Variants in AGAP1 observed in about 807,000 individuals in gnomAD.
AGAP1 encodes arf-GAP with GTPase, ANK repeat and PH domain-containing protein 1.
AGAP1 carries 29 observed loss-of-function variants against 105.3 expected under a neutral mutation model. The observed-to-expected ratio is 0.28, with a 90% CI of 0.21 to 0.38. AGAP1 has a LOEUF of 0.38. Ranked by LOEUF, AGAP1 falls within the 10% of genes least tolerant of loss-of-function variation. The pLI is 1.00. For missense variants in AGAP1, 998 were observed against 1,165.1 expected (o/e 0.86, Z 2.09); for synonymous variants, 509 against 485.9 (o/e 1.05, Z -0.63).
At chr2:235,912,114 A>T (rs1346921531) in intron 11 of AGAP1, among the ~76,000 whole-genome samples, 2 of 152,238 alleles carry the variant, frequency 1.3e-5, no homozygotes, top group African/African-American at 4.8e-5. Flanking sequence ...CACTTCTGTA[A>T]GAGGAAGCAG....
At chr2:235,943,969 A>G (rs934984687) in intron 12 of AGAP1, among the ~76,000 whole-genome samples, 3 of 152,248 alleles carry the variant, frequency 2.0e-5, no homozygotes, top group Non-Finnish European at 4.4e-5. Context: ...TTATACAATG[A>G]TACTAAAAAT....
At chr2:235,912,099 G>T (rs28569406) in intron 11 of AGAP1, among the ~76,000 whole-genome samples, 1 of 152,040 alleles carries the variant, frequency 6.6e-6, no homozygotes, top group African/African-American at 2.4e-5. Context: ...AGCCATGGGC[G>T]GAGGCACTTC....
intron 1 of AGAP1, among the ~76,000 whole-genome samples, chr2:235,537,961 A>G (rs1943296433): frequency 6.6e-6 from 1 of 152,158 alleles, no homozygotes; most frequent in South Asian, 2.1e-4. Flanking sequence ...GATATTTTGT[A>G]CCAACCGTAC....
intron 16 of AGAP1, among the ~76,000 whole-genome samples, chr2:236,117,063 G>C (rs1257349845): frequency 6.6e-6 from 1 of 152,142 alleles, no homozygotes; most frequent in Non-Finnish European, 1.5e-5. Context: ...TGCTATAAAC[G>C]TGTGTGTAAG....
At chr2:235,932,583 G>C (rs60990982) in intron 12 of AGAP1, among the ~76,000 whole-genome samples, 11,047 of 152,248 alleles carry the variant, frequency 0.073, 1,372 homozygotes, top group African/African-American at 0.25. Context: ...CAGGTGACAC[G>C]GACAAGGCCT....
chr2:235,503,150 T>C (rs1375505926), intron 1 of AGAP1, among the ~76,000 whole-genome samples: 4 of 152,114 alleles, frequency 2.6e-5, no homozygotes, highest in Admixed American at 6.5e-5. Flanking sequence ...TTCAGCAGGA[T>C]TGGTATTGTC....
chr2:235,635,408 A>T lies in AGAP1; in HGVS notation c.164-73771A>T, dbSNP rs1946963771. Among the ~76,000 whole-genome samples the T allele has an allele frequency of 6.6e-6, 1 of 152,170 alleles. No homozygotes were observed. The highest frequency in any genetic ancestry group is 1.5e-5 in the Non-Finnish European group (1 of 68,024). Reference sequence around the variant, plus strand: ...AGGATTGACTTTCATCTTGCCTGGTAATAAGCCCTCCTAGGAAAACAAATT... The same window carrying T: ...AGGATTGACTTTCATCTTGCCTGGTTATAAGCCCTCCTAGGAAAACAAATT... On this transcript the variant is annotated intron_variant, in intron 1 of 17. Transcript: ENST00000304032. This position sits in a 1 kb window ranked among gnomAD's most constrained non-coding sequence, Gnocchi z 5.3.
chr2:235,548,600 C>A (rs1023529453), intron 1 of AGAP1, among the ~76,000 whole-genome samples: 10 of 150,020 alleles, frequency 6.7e-5, no homozygotes, highest in Non-Finnish European at 1.5e-4. Flanking sequence ...TTGCAGTGAG[C>A]CAAGATTGCG....
intron 16 of AGAP1, among the ~76,000 whole-genome samples, chr2:236,085,356 C>T (rs1358161559): frequency 6.6e-6 from 1 of 152,156 alleles, no homozygotes; most frequent in African/African-American, 2.4e-5. Flanking sequence ...CAGAAGCGTC[C>T]TTTGTTGCTG....
At chr2:236,052,315 C>G (rs2057924294) in intron 16 of AGAP1, among the ~76,000 whole-genome samples, 1 of 152,094 alleles carries the variant, frequency 6.6e-6, no homozygotes. Flanking sequence ...CAGCCTGCCC[C>G]CACCCCCAAA....
intron 6 of AGAP1, among the ~76,000 whole-genome samples, chr2:235,767,600 G>A (rs901131663): frequency 6.6e-6 from 1 of 152,222 alleles, no homozygotes; most frequent in Admixed American, 6.5e-5. Flanking sequence ...TAGATATTCC[G>A]TTTACAAATC....
At position 235,653,261 on chromosome 2, in the gene AGAP1, C is replaced by A. The variant is rs528382290; in HGVS notation, c.164-55918C>A. Among the ~76,000 whole-genome samples the A allele has an allele frequency of 5.3e-5, 8 of 152,052 alleles. No homozygotes were observed. In the East Asian group the frequency reaches 9.7e-4, roughly 19 times the overall value. ...CGGGCGGATCACGAGGTCAGGAGAT[C>A]GAGACCATCCTGGCTATCACGGTGA... On this transcript the variant is annotated intron_variant, in intron 1 of 17. Transcript: ENST00000304032.
At position 235,889,175 on chromosome 2, in the gene AGAP1, A is replaced by C. The variant is rs1559611361; in HGVS notation, c.1155+5726A>C. 6.6e-6 allele frequency among the ~76,000 whole-genome samples: 1 copy of C among 152,106 alleles called. No individual in the cohort carries two copies. Among genetic ancestry groups the C allele is most frequent in the Non-Finnish European group, 1.5e-5 (1 of 67,984 alleles). On this transcript the variant is annotated intron_variant, in intron 10 of 17. Transcript: ENST00000304032. This position sits in a 1 kb window ranked among gnomAD's most constrained non-coding sequence, Gnocchi z 4.6. Reference sequence around the variant, plus strand: ...GAAAATAAACCCAGCTCTTGGCCAAACAAACAGTCGGTATGTGGCCGTGCT... The same window carrying C: ...GAAAATAAACCCAGCTCTTGGCCAACCAAACAGTCGGTATGTGGCCGTGCT...
intron 1 of AGAP1, among the ~76,000 whole-genome samples, chr2:235,516,285 C>T (rs1181654489): frequency 6.6e-6 from 1 of 152,184 alleles, no homozygotes; most frequent in African/African-American, 2.4e-5. Flanking sequence ...CTCTGCTCCC[C>T]AGCCCCCAGA....
At chr2:235,511,870 G>GTGGATGTGGA (rs1559212677) in intron 1 of AGAP1, among the ~76,000 whole-genome samples, 32 of 149,904 alleles carry the variant, frequency 2.1e-4, no homozygotes, top group Admixed American at 1.3e-3. Flanking sequence ...GAATGTGTGT[G>GTGGATGTGGA]TGTATGTGAA....
In AGAP1 at chr2:236,130,575, T is replaced by C. The variant is rs1001770632; in HGVS notation, c.*6453T>C. On this transcript the variant is annotated 3_prime_UTR_variant, in exon 18 of 18. Transcript: ENST00000304032. This position sits in a 1 kb window ranked among gnomAD's most constrained non-coding sequence, Gnocchi z 5.8. ...CTAACGTCTGAGCCGCTTGGAGAGC[T>C]TTGGTAAACAGAAGACACTGGAAGC... The C allele has an allele frequency of 6.6e-6, 1 of 152,242 alleles. No homozygotes were observed. 9.4% of individuals were successfully genotyped at this position (152,242 alleles called of 1,614,324 possible). A position where few individuals can be genotyped will look rare whatever the true frequency, so the allele number is the denominator to read the frequency against.
At chr2:236,057,638 A>G (rs2058086294) in intron 16 of AGAP1, among the ~76,000 whole-genome samples, 1 of 151,958 alleles carries the variant, frequency 6.6e-6, no homozygotes, top group South Asian at 2.1e-4. Flanking sequence ...TAAAGCCTGT[A>G]TTGCAGAGAC....
intron 13 of AGAP1, among the ~76,000 whole-genome samples, chr2:235,978,890 T>C (rs1317938496): frequency 6.6e-6 from 1 of 152,094 alleles, no homozygotes; most frequent in African/African-American, 2.4e-5. Context: ...AACAAGTGCA[T>C]GCACACTCTG....
At chr2:235,589,189 G>GT (rs1205771315) in intron 1 of AGAP1, among the ~76,000 whole-genome samples, 2,902 of 54,694 alleles carry the variant, frequency 0.053, 315 homozygotes, top group Non-Finnish European at 0.088. Context: ...ATAGCTTATT[G>GT]TTTTGTTTTT....
Sources: gnomAD v4.1 joint callset for allele counts (sites outside exome capture counted in the v4.1 genomes callset) on GRCh38, gnomAD v4.1.1 for gene constraint, Gnocchi (gnomAD v3.1) non-coding constraint, MANE v1.5 for transcripts, NCBI Gene and HGNC (gene_info 2026-07-23, HGNC 2026-07-21) for gene names.